Variants in THSD7A observed in about 807,000 individuals in gnomAD.
THSD7A encodes thrombospondin type 1 domain containing 7A.
THSD7A carries 96 observed loss-of-function variants against 231.3 expected under a neutral mutation model. The observed-to-expected ratio is 0.41, with a 90% CI of 0.35 to 0.49. The LOEUF (loss-of-function observed/expected upper bound fraction) is 0.49, where lower values mean the gene tolerates loss of function less well. THSD7A is among the 20% of genes least tolerant of loss of function. The probability of loss-of-function intolerance (pLI) is 0.05; values close to 1 mark genes in which losing one functional copy is unlikely to be tolerated. For synonymous variants in THSD7A, 940 were observed against 743.3 expected (o/e 1.26, Z -4.30); for missense variants, 2,290 against 2,070.2 (o/e 1.11, Z -2.06).
intron 1 of THSD7A, among the ~76,000 whole-genome samples, chr7:11,709,041 T>A (rs75759018): frequency 0.094 from 14,198 of 150,750 alleles, 834 homozygotes; most frequent in Non-Finnish European, 0.14. Flanking sequence ...GAAACATGAC[T>A]CACTGGAAAC....
At chr7:11,452,070 G>C (rs945325784) in intron 11 of THSD7A, among the ~76,000 whole-genome samples, 1 of 151,984 alleles carries the variant, frequency 6.6e-6, no homozygotes, top group Non-Finnish European at 1.5e-5. Flanking sequence ...AAAGAGCTCT[G>C]TGACCTTATT....
chr7:11,376,721 C>T, intron 26 of THSD7A, 64 bp from the exon 27 acceptor site: 1 of 1,254,978 alleles, frequency 8.0e-7, no homozygotes, highest in Non-Finnish European at 1.1e-6. Context: ...CAGTCTTTAA[C>T]TATGACCAAT....
At chr7:11,484,332 C>T (rs1406785485) in intron 6 of THSD7A, among the ~76,000 whole-genome samples, 1 of 151,966 alleles carries the variant, frequency 6.6e-6, no homozygotes, top group African/African-American at 2.4e-5. Context: ...CAAACGAAGC[C>T]CATTGTTGTC....
intron 11 of THSD7A, among the ~76,000 whole-genome samples, chr7:11,448,150 AG>A (rs1392944772): frequency 6.6e-6 from 1 of 152,174 alleles, no homozygotes; most frequent in Non-Finnish European, 1.5e-5. Context: ...TAAAATTTGT[AG>A]TTCTAAAATT....
chr7:11,474,551 T>G lies in THSD7A; in HGVS notation c.2035A>C (p.Asn679His). The G allele has an allele frequency of 6.3e-7, 1 of 1,593,652 alleles. No individual in the cohort carries two copies. The highest frequency in any genetic ancestry group is 1.7e-4 in the Middle Eastern group (1 of 6,004). ...AGEEGGIRCP[N>H]SSALQEVRSC... ...CGTACTTCTTGCAAAGCACTGCTAT[T>G]TGGACAGCGAATTCCACCTAAAAAC... Residue 679 changes from asparagine to histidine, a missense_variant, in exon 8 of 28, where the codon AAT becomes CAT. Asn to His is a moderately conservative substitution (Grantham distance 68). Coordinates refer to ENST00000423059, the MANE Select transcript of THSD7A (RefSeq NM_015204.3). The surrounding 1 kb of genome is among the most constrained non-coding windows in gnomAD (Gnocchi z 4.1).
intron 6 of THSD7A, among the ~76,000 whole-genome samples, chr7:11,509,009 A>G (rs6460818): frequency 0.49 from 73,781 of 152,010 alleles, 18,322 homozygotes; most frequent in African/African-American, 0.57. Context: ...GAGATCTTCT[A>G]TATAACACTA....
intron 6 of THSD7A, among the ~76,000 whole-genome samples, chr7:11,525,944 A>G (rs1295752697): frequency 6.6e-6 from 1 of 152,208 alleles, no homozygotes; most frequent in African/African-American, 2.4e-5. Flanking sequence ...TCACTGCAAG[A>G]AAGTTATCTG....
chr7:11,797,060 TA>T (rs1439818784), intron 1 of THSD7A, among the ~76,000 whole-genome samples: 1 of 152,144 alleles, frequency 6.6e-6, no homozygotes, highest in African/African-American at 2.4e-5. Context: ...ACACTATGGT[TA>T]AACTCCCCAG....
Position 11,636,678 on chromosome 7 carries a change from T to C in THSD7A, c.474A>G (p.Ile158Met), listed in dbSNP as rs1781871828. Residue 158 changes from isoleucine (I) to methionine (M), a missense_variant, in exon 2 of 28, where the codon ATA (isoleucine) becomes ATG (methionine). Physicochemically the swap from Ile to Met is conservative, Grantham distance 10. Coordinates refer to ENST00000423059, the MANE Select transcript of THSD7A (RefSeq NM_015204.3). The surrounding 1 kb of genome is among the most constrained non-coding windows in gnomAD (Gnocchi z 10.0). ...KGEEGIQVRE[I>M]ACIQKDKDIP... ...TGTCTTTGTCTTTCTGGATGCACGC[T>C]ATCTCCCTCACCTGAATACCTTCTT... is the stretch of plus-strand genomic sequence containing the variant. The C allele has an allele frequency of 6.2e-7, 1 of 1,613,920 alleles. No individual in the cohort carries two copies. Among genetic ancestry groups the C allele is most frequent in the Non-Finnish European group, 8.5e-7 (1 of 1,179,914 alleles).
intron 1 of THSD7A, among the ~76,000 whole-genome samples, chr7:11,701,500 A>G (rs1562487376): frequency 6.6e-6 from 1 of 151,236 alleles, no homozygotes. Flanking sequence ...GAAAATAAAT[A>G]AACATATTTA....
At chr7:11,640,076 T>C (rs1782022319) in intron 1 of THSD7A, among the ~76,000 whole-genome samples, 1 of 152,212 alleles carries the variant, frequency 6.6e-6, no homozygotes, top group East Asian at 1.9e-4. Context: ...GAGTACCATA[T>C]ATGTTTCTCA....
intron 2 of THSD7A, among the ~76,000 whole-genome samples, chr7:11,602,725 T>G (rs1018046243): frequency 1.3e-5 from 2 of 151,874 alleles, no homozygotes; most frequent in African/African-American, 2.4e-5. Flanking sequence ...TAAGACCTCC[T>G]GTGGGTGATA....
In THSD7A at chr7:11,402,938, A is replaced by T. The variant is rs1783455960; in HGVS notation, c.4238-970T>A. 5.9e-5 allele frequency among the ~76,000 whole-genome samples: 9 copies of T among 152,296 alleles called. No homozygotes were observed. In the South Asian group the frequency reaches 1.9e-3, roughly 32 times the overall value. On this transcript the variant is annotated intron_variant, in intron 22 of 27. Transcript: ENST00000423059. Reference sequence around the variant, plus strand: ...CATTTCAGTACAAGTCTTTTGATGAACTTATATATGCATTTCTGTTGGGTA... The same window carrying T: ...CATTTCAGTACAAGTCTTTTGATGATCTTATATATGCATTTCTGTTGGGTA...
At chr7:11,670,564 G>T (rs1783343336) in intron 1 of THSD7A, among the ~76,000 whole-genome samples, 1 of 152,168 alleles carries the variant, frequency 6.6e-6, no homozygotes, top group Non-Finnish European at 1.5e-5. Flanking sequence ...ATTTCACTCT[G>T]TCTGCTACTG....
intron 1 of THSD7A, among the ~76,000 whole-genome samples, chr7:11,641,730 A>G (rs1224157077): frequency 1.3e-5 from 2 of 150,776 alleles, no homozygotes; most frequent in East Asian, 3.9e-4. Context: ...AGGTGGAAGT[A>G]TAGTCATGAT....
At chr7:11,533,265 C>T (rs972465038) in intron 6 of THSD7A, among the ~76,000 whole-genome samples, 4 of 152,054 alleles carry the variant, frequency 2.6e-5, no homozygotes, top group South Asian at 2.1e-4. Context: ...GAAAGTTCCT[C>T]GGCTACAAAT....
intron 4 of THSD7A, among the ~76,000 whole-genome samples, chr7:11,548,109 C>A (rs1327317610): frequency 6.6e-6 from 1 of 151,986 alleles, no homozygotes; most frequent in Non-Finnish European, 1.5e-5. Flanking sequence ...TGATAGATTG[C>A]TAGCTAGACT....
At chr7:11,749,846 C>A (rs78878632) in intron 1 of THSD7A, among the ~76,000 whole-genome samples, 3 of 152,078 alleles carry the variant, frequency 2.0e-5, no homozygotes, top group South Asian at 2.1e-4. Context: ...CTAGGTGAGA[C>A]AAAATACTCT....
At chr7:11,705,544 A>T (rs76524781) in intron 1 of THSD7A, among the ~76,000 whole-genome samples, 13,960 of 150,832 alleles carry the variant, frequency 0.093, 812 homozygotes, top group South Asian at 0.16. Flanking sequence ...AGCCTATACC[A>T]CATTTCACAC....
Sources: allele counts gnomAD v4.1 joint callset (sites outside exome capture counted in the v4.1 genomes callset), GRCh38; gene constraint gnomAD v4.1.1; non-coding constraint Gnocchi (gnomAD v3.1); transcripts MANE v1.5; gene names NCBI Gene and HGNC (gene_info 2026-07-23, HGNC 2026-07-21).